Variants in ENTREP1 observed in about 807,000 individuals in gnomAD.
ENTREP1 encodes the protein Friedreich ataxia region gene X123.
At chr9:69,337,515 A>C in the ENTREP1 span, among the ~76,000 whole-genome samples, 1 of 152,198 alleles carries the variant, frequency 6.6e-6, no homozygotes, top group Non-Finnish European at 1.5e-5. Flanking sequence ...GGTAAAATTT[A>C]TATAGCAAAA....
At chr9:69,348,501 A>T in the ENTREP1 span, among the ~76,000 whole-genome samples, 4 of 152,316 alleles carry the variant, frequency 2.6e-5, no homozygotes, top group Admixed American at 2.0e-4. Flanking sequence ...ATGGATTTTT[A>T]GCCTATTCCC....
the ENTREP1 span, among the ~76,000 whole-genome samples, chr9:69,376,250 A>G: frequency 6.6e-6 from 1 of 152,150 alleles, no homozygotes. Flanking sequence ...CTCGTGTGTC[A>G]TTGTTCTGAT....
the ENTREP1 span, chr9:69,383,640 C>T: frequency 6.2e-7 from 1 of 1,613,934 alleles, no homozygotes; most frequent in Non-Finnish European, 8.5e-7. Flanking sequence ...GATGGTTGGT[C>T]CTGATGTTAT....
the ENTREP1 span, among the ~76,000 whole-genome samples, chr9:69,361,418 T>TAATA: frequency 6.6e-6 from 1 of 151,972 alleles, no homozygotes; most frequent in African/African-American, 2.4e-5. Context: ...TTCTTTCAGT[T>TAATA]AATATAAGGT....
At chr9:69,328,961 A>ATATT in the ENTREP1 span, among the ~76,000 whole-genome samples, 3 of 151,608 alleles carry the variant, frequency 2.0e-5, no homozygotes, top group South Asian at 6.2e-4. Flanking sequence ...TATACAAGGG[A>ATATT]TCATATAATA....
chr9:69,343,729 TAAAC>T, the ENTREP1 span, among the ~76,000 whole-genome samples: 2 of 152,350 alleles, frequency 1.3e-5, no homozygotes, highest in African/African-American at 2.4e-5. Flanking sequence ...TTATGCTAAT[TAAAC>T]AAGGTAATAA....
At chr9:69,341,433 G>C in the ENTREP1 span, among the ~76,000 whole-genome samples, 3 of 151,972 alleles carry the variant, frequency 2.0e-5, no homozygotes, top group East Asian at 5.8e-4. Context: ...TAGTATTTAG[G>C]ATAAAACCTC....
At chr9:69,376,397 A>G in the ENTREP1 span, among the ~76,000 whole-genome samples, 5 of 152,322 alleles carry the variant, frequency 3.3e-5, no homozygotes, top group Admixed American at 2.0e-4. Flanking sequence ...AGCAACAACT[A>G]TAATAAGCCA....
the ENTREP1 span, among the ~76,000 whole-genome samples, chr9:69,335,804 A>G: frequency 2.5e-5 from 1 of 40,266 alleles, no homozygotes; most frequent in African/African-American, 9.6e-5. Flanking sequence ...CTTAATTGAC[A>G]TTAAGAGAAA....
the ENTREP1 span, among the ~76,000 whole-genome samples, chr9:69,352,721 T>C: frequency 6.6e-6 from 1 of 152,094 alleles, no homozygotes; most frequent in Non-Finnish European, 1.5e-5. Context: ...AGCAAGCTTG[T>C]TTGTCAGGGC....
the ENTREP1 span, chr9:69,377,642 A>C: frequency 6.2e-7 from 1 of 1,614,096 alleles, no homozygotes; most frequent in South Asian, 1.1e-5. Context: ...GAAGAAGCGG[A>C]GGATCATGGA....
At chr9:69,360,766 A>G in the ENTREP1 span, among the ~76,000 whole-genome samples, 34 of 152,152 alleles carry the variant, frequency 2.2e-4, no homozygotes, top group African/African-American at 7.9e-4. Flanking sequence ...CTTGAGATGG[A>G]TCCCTGTTTC....
chr9:69,334,775 C>CTTTTT, the ENTREP1 span, among the ~76,000 whole-genome samples: 42 of 130,554 alleles, frequency 3.2e-4, no homozygotes, highest in East Asian at 4.4e-4. Flanking sequence ...CTTTCCTTTT[C>CTTTTT]TTTTTTTTTT....
At chr9:69,337,539 A>G in the ENTREP1 span, among the ~76,000 whole-genome samples, 2 of 152,172 alleles carry the variant, frequency 1.3e-5, no homozygotes, top group Admixed American at 6.5e-5. Flanking sequence ...ATCATTTTAA[A>G]GTATACAATT....
At chr9:69,366,964 T>C in the ENTREP1 span, among the ~76,000 whole-genome samples, 1 of 152,142 alleles carries the variant, frequency 6.6e-6, no homozygotes, top group African/African-American at 2.4e-5. Flanking sequence ...TCACCCACGC[T>C]GAAGTGCAGT....
chr9:69,371,216 A>G, the ENTREP1 span: 126 of 419,408 alleles, frequency 3.0e-4, no homozygotes, highest in African/African-American at 2.5e-3. Context: ...GCTAGGGCTT[A>G]GTGTAATGTG....
chr9:69,367,900 T>C, the ENTREP1 span, among the ~76,000 whole-genome samples: 5 of 146,096 alleles, frequency 3.4e-5, no homozygotes, highest in Admixed American at 7.0e-5. Context: ...TATATATACA[T>C]ATATACATAT....
the ENTREP1 span, chr9:69,388,203 G>A: frequency 1.2e-6 from 2 of 1,614,170 alleles, no homozygotes; most frequent in South Asian, 2.2e-5. Flanking sequence ...ACTGAAAGGA[G>A]ACTGGATCTG....
the ENTREP1 span, among the ~76,000 whole-genome samples, chr9:69,349,729 G>A: frequency 2.0e-5 from 3 of 152,018 alleles, no homozygotes; most frequent in Admixed American, 6.6e-5. Flanking sequence ...AACGCACCTC[G>A]AGCATCATAG....
Sources: allele counts gnomAD v4.1 joint callset (sites outside exome capture counted in the v4.1 genomes callset), GRCh38; gene constraint gnomAD v4.1.1; transcripts MANE v1.5; gene names NCBI Gene and HGNC (gene_info 2026-07-23, HGNC 2026-07-21).